The following ZPBP variants were observed in gnomAD, a reference collection of about 807,000 sequenced individuals.
The protein encoded by ZPBP is zona pellucida-binding protein 1.
Under a neutral mutation model 44.8 loss-of-function variants are expected in ZPBP, and 26 were observed. The observed-to-expected ratio is 0.58, with a 90% CI of 0.43 to 0.81. The LOEUF (loss-of-function observed/expected upper bound fraction) is 0.81. Ranked by LOEUF, ZPBP falls within the 30% of genes least tolerant of loss-of-function variation. ZPBP has a pLI of 0.00. For missense variants in ZPBP, 409 were observed against 434.0 expected (o/e 0.94, Z 0.51); for synonymous variants, 174 against 153.2 (o/e 1.14, Z -1.00).
At chr7:49,882,299 C>T (rs989099133) in intron 2 of ZPBP, among the ~76,000 whole-genome samples, 2 of 152,036 alleles carry the variant, frequency 1.3e-5, no homozygotes, top group Non-Finnish European at 2.9e-5. Context: ...TTCTGCTAAG[C>T]CTTCCTCACT....
intron 7 of ZPBP, among the ~76,000 whole-genome samples, chr7:49,967,236 T>A (rs921865017): frequency 6.6e-6 from 1 of 152,206 alleles, no homozygotes; most frequent in Admixed American, 6.5e-5. Flanking sequence ...TCTAATGATT[T>A]CTGTGTTTCA....
chr7:49,918,681 A>G (rs1456890080), intron 1 of ZPBP: 1 of 152,216 alleles, frequency 6.6e-6, no homozygotes, highest in Non-Finnish European at 1.5e-5. Flanking sequence ...CAAACACTAC[A>G]ATTTCAAATT....
At chr7:49,927,062 G>A (rs1794263405) in intron 1 of ZPBP, among the ~76,000 whole-genome samples, 1 of 152,134 alleles carries the variant, frequency 6.6e-6, no homozygotes, top group South Asian at 2.1e-4. Context: ...TTTCATAGCT[G>A]CCATACCTTC....
At chr7:50,082,714 C>T (rs1567278) in intron 2 of ZPBP, among the ~76,000 whole-genome samples, 125,840 of 151,736 alleles carry the variant, frequency 0.83, 52,229 homozygotes, top group East Asian at 0.88. Context: ...CTTTTAGGTA[C>T]ATACCCTTCC....
intron 4 of ZPBP, among the ~76,000 whole-genome samples, chr7:50,046,564 T>C (rs1800375604): frequency 1.3e-5 from 2 of 152,156 alleles, no homozygotes; most frequent in Admixed American, 1.3e-4. Flanking sequence ...TCTCTGGTCA[T>C]TACAGAAATG....
At chr7:49,960,278 G>T (rs1016493429) in intron 7 of ZPBP, among the ~76,000 whole-genome samples, 2 of 151,976 alleles carry the variant, frequency 1.3e-5, no homozygotes, top group African/African-American at 4.8e-5. Flanking sequence ...AAAAATAGCT[G>T]GGCGTGGTTG....
chr7:50,001,421 C>T (rs1281734896), intron 6 of ZPBP, among the ~76,000 whole-genome samples: 10 of 152,066 alleles, frequency 6.6e-5, no homozygotes, highest in Non-Finnish European at 1.3e-4. Context: ...TTCTTCTTTG[C>T]ACTCCCATCA....
At chr7:49,993,651 TC>T (rs1406622339) in intron 6 of ZPBP, among the ~76,000 whole-genome samples, 5 of 152,200 alleles carry the variant, frequency 3.3e-5, no homozygotes, top group Non-Finnish European at 7.3e-5. Context: ...CCTAATGTAA[TC>T]AACCTGTCAC....
At chr7:49,854,942 G>A (rs965206306) in intron 2 of ZPBP, among the ~76,000 whole-genome samples, 4 of 152,212 alleles carry the variant, frequency 2.6e-5, no homozygotes, top group African/African-American at 9.7e-5. Context: ...CTGGTCCAGG[G>A]TAGAGGGGCT....
chr7:50,007,933 GA>G (rs1256862867), intron 6 of ZPBP, among the ~76,000 whole-genome samples: 1 of 151,914 alleles, frequency 6.6e-6, no homozygotes, highest in Non-Finnish European at 1.5e-5. Flanking sequence ...TTGAAAGACT[GA>G]AAGCTTTCCC....
intron 6 of ZPBP, among the ~76,000 whole-genome samples, chr7:50,011,143 G>A (rs949772223): frequency 6.6e-6 from 1 of 152,054 alleles, no homozygotes; most frequent in African/African-American, 2.4e-5. Flanking sequence ...AATGGTGCTG[G>A]GATAATTGGC....
At chr7:50,053,374 T>C (rs557887569) in intron 4 of ZPBP, among the ~76,000 whole-genome samples, 2 of 152,328 alleles carry the variant, frequency 1.3e-5, no homozygotes, top group South Asian at 2.1e-4. Context: ...GCTGAACATA[T>C]AATAACCTTT....
chr7:49,957,672 A>G (rs532000249), intron 7 of ZPBP, among the ~76,000 whole-genome samples: 1 of 152,318 alleles, frequency 6.6e-6, no homozygotes, highest in African/African-American at 2.4e-5. Flanking sequence ...CTTGTTGTGA[A>G]CAACCTAGGG....
intron 3 of ZPBP, among the ~76,000 whole-genome samples, chr7:50,064,186 C>T (rs866825845): frequency 6.1e-4 from 93 of 152,222 alleles, no homozygotes; most frequent in African/African-American, 2.1e-3. Context: ...CCCCACAAGC[C>T]ACAAAAACCA....
chr7:50,009,827 G>T (rs1798488909), intron 6 of ZPBP, among the ~76,000 whole-genome samples: 1 of 151,892 alleles, frequency 6.6e-6, no homozygotes, highest in Non-Finnish European at 1.5e-5. Context: ...AAAATAAATT[G>T]CATTTGAACA....
intron 2 of ZPBP, among the ~76,000 whole-genome samples, chr7:50,086,770 G>T (rs929697881): frequency 3.3e-5 from 5 of 151,904 alleles, no homozygotes; most frequent in South Asian, 4.2e-4. Context: ...GAGAGAAAAA[G>T]AATTTTTTTA....
At chr7:49,854,587 G>C (rs1790337401) in intron 2 of ZPBP, among the ~76,000 whole-genome samples, 1 of 152,152 alleles carries the variant, frequency 6.6e-6, no homozygotes, top group Non-Finnish European at 1.5e-5. Flanking sequence ...AAATTTGTTT[G>C]AGTTCTTTGC....
intron 7 of ZPBP, among the ~76,000 whole-genome samples, chr7:49,979,824 C>CATATATATATATAT (rs56222305): frequency 8.9e-6 from 1 of 112,410 alleles, no homozygotes; most frequent in Non-Finnish European, 1.7e-5. Context: ...TGGAGTTATA[C>CATATATATATATAT]ATATATATAT....
At chr7:49,912,591 G>C in intron 1 of ZPBP, 1 of 157,678 alleles carries the variant, frequency 6.3e-6, no homozygotes. Flanking sequence ...CATCACCCAG[G>C]AATGTTCCCC....
Sources: gnomAD v4.1 joint callset for allele counts (sites outside exome capture counted in the v4.1 genomes callset) on GRCh38, gnomAD v4.1.1 for gene constraint, MANE v1.5 for transcripts, NCBI Gene and HGNC (gene_info 2026-07-23, HGNC 2026-07-21) for gene names.